The following RABGAP1L variants were observed in gnomAD, a reference collection of about 807,000 sequenced individuals.
RABGAP1L encodes the protein rab GTPase-activating protein 1-like.
RABGAP1L carries 63 observed loss-of-function variants against 137.7 expected under a neutral mutation model. The observed-to-expected ratio is 0.46, with a 90% CI of 0.37 to 0.56. RABGAP1L has a LOEUF of 0.56. RABGAP1L is among the 20% of genes least tolerant of loss of function. RABGAP1L has a pLI of 0.00. For synonymous variants in RABGAP1L, 431 were observed against 433.7 expected, an observed-to-expected ratio of 0.99 and a Z score of 0.08; for missense variants, 1,095 against 1,244.0, an observed-to-expected ratio of 0.88 and a Z score of 1.80.
intron 11 of RABGAP1L, among the ~76,000 whole-genome samples, chr1:174,339,851 C>T (rs918409038): frequency 6.6e-6 from 1 of 152,088 alleles, no homozygotes; most frequent in African/African-American, 2.4e-5. Context: ...AAGTGATCCA[C>T]CCACCTCAGC....
intron 13 of RABGAP1L, chr1:174,544,845 T>G (rs1665857473): frequency 5.5e-6 from 1 of 182,572 alleles, no homozygotes; most frequent in African/African-American, 2.4e-5. Flanking sequence ...CTGTTGCAGG[T>G]CTGTTGGAGT....
At chr1:174,844,546 G>A (rs1336912479) in intron 19 of RABGAP1L, among the ~76,000 whole-genome samples, 4 of 80,706 alleles carry the variant, frequency 5.0e-5, no homozygotes, top group African/African-American at 1.0e-4. Flanking sequence ...GGTATGCGGC[G>A]TTATTTCTGA....
chr1:174,356,215 G>GT (rs772563581), intron 11 of RABGAP1L, among the ~76,000 whole-genome samples: 233 of 151,942 alleles, frequency 1.5e-3, no homozygotes, highest in Non-Finnish European at 2.5e-3. Context: ...AAGGTTTTGG[G>GT]TTTTTTTCCC....
At chr1:174,320,452 A>G (rs552537998) in intron 11 of RABGAP1L, among the ~76,000 whole-genome samples, 2 of 152,248 alleles carry the variant, frequency 1.3e-5, no homozygotes, top group East Asian at 1.9e-4. Context: ...TCTGTTGTAT[A>G]GATATGCTGC....
intron 13 of RABGAP1L, among the ~76,000 whole-genome samples, chr1:174,422,394 G>A (rs766222191): frequency 4.6e-5 from 7 of 151,394 alleles, no homozygotes; most frequent in Admixed American, 3.3e-4. Flanking sequence ...TTAAACATTC[G>A]ACCAACTTCC....
chr1:174,834,690 G>C (rs1692551038), intron 19 of RABGAP1L, among the ~76,000 whole-genome samples: 1 of 151,282 alleles, frequency 6.6e-6, no homozygotes, highest in South Asian at 2.1e-4. Context: ...GCTTGAATGG[G>C]TGGGAGTCAT....
chr1:174,894,741 GTTTGT>G (rs145077094), intron 19 of RABGAP1L, among the ~76,000 whole-genome samples: 54,331 of 151,008 alleles, frequency 0.36, 12,632 homozygotes, highest in African/African-American at 0.67. Flanking sequence ...GTTTTTGTTT[GTTTGT>G]TTTGTTTTGT....
In RABGAP1L at chr1:174,448,564, A is replaced by G; in HGVS notation, c.1710+54419A>G. ...TAACCAAGCCTCTTTCCTACAATCA[A>G]CTGGTCACCCCTTGTCGCTTGAGAA... On this transcript the variant is annotated intron_variant, in intron 13 of 25. Coordinates refer to ENST00000681986, the MANE Select transcript of RABGAP1L (RefSeq NM_001366446.1). The surrounding 1 kb of genome is among the most constrained non-coding windows in gnomAD (Gnocchi z 4.2). The G allele has an allele frequency of 4.3e-6, 7 of 1,613,610 alleles. No individual in the cohort carries two copies. The highest frequency in any genetic ancestry group is 5.9e-6 in the Non-Finnish European group (7 of 1,179,630).
intron 18 of RABGAP1L, among the ~76,000 whole-genome samples, chr1:174,772,205 CAA>C (rs888333693): frequency 3.2e-4 from 47 of 148,370 alleles, no homozygotes; most frequent in Non-Finnish European, 1.5e-4. Flanking sequence ...CAAAAAAAAA[CAA>C]AAAACAAAAC....
chr1:174,899,332 A>G (rs1657756628), intron 19 of RABGAP1L, among the ~76,000 whole-genome samples: 2 of 152,204 alleles, frequency 1.3e-5, no homozygotes, highest in African/African-American at 4.8e-5. Context: ...AGACGTTAGG[A>G]ACTAAATTAT....
chr1:174,497,640 T>C (rs1389315950), intron 13 of RABGAP1L, among the ~76,000 whole-genome samples: 1 of 152,144 alleles, frequency 6.6e-6, no homozygotes, highest in Admixed American at 6.6e-5. Flanking sequence ...CCTGTTCTTA[T>C]GCTCCTCTTT....
At chr1:174,688,215 A>G (rs533910153) in intron 15 of RABGAP1L, among the ~76,000 whole-genome samples, 1 of 152,204 alleles carries the variant, frequency 6.6e-6, no homozygotes, top group Non-Finnish European at 1.5e-5. Context: ...ACCTGATTAT[A>G]TTTCACTTAC....
At chr1:174,786,224 T>C (rs536642638) in intron 18 of RABGAP1L, among the ~76,000 whole-genome samples, 9 of 152,336 alleles carry the variant, frequency 5.9e-5, no homozygotes, top group Admixed American at 2.6e-4. Context: ...AATAAACTTG[T>C]CAATCAGATA....
At chr1:174,418,303 G>T (rs1355520019) in intron 13 of RABGAP1L, among the ~76,000 whole-genome samples, 1 of 152,170 alleles carries the variant, frequency 6.6e-6, no homozygotes, top group Non-Finnish European at 1.5e-5. Context: ...TATTTCCACA[G>T]ATATTGTTTA....
chr1:174,239,332 C>G (rs1671578997), intron 4 of RABGAP1L, among the ~76,000 whole-genome samples: 1 of 152,192 alleles, frequency 6.6e-6, no homozygotes, highest in African/African-American at 2.4e-5. Flanking sequence ...CCACTTTCCT[C>G]TCCCTTTCTC....
At chr1:174,645,131 A>C (rs1674856943) in intron 14 of RABGAP1L, among the ~76,000 whole-genome samples, 1 of 152,144 alleles carries the variant, frequency 6.6e-6, no homozygotes, top group African/African-American at 2.4e-5. Context: ...CACTGTAGTA[A>C]CCATTTTACT....
chr1:174,852,299 T>C (rs1025521722), intron 19 of RABGAP1L, among the ~76,000 whole-genome samples: 4 of 152,150 alleles, frequency 2.6e-5, no homozygotes. Context: ...ACAACAGAAA[T>C]GCTGCAAGTC....
chr1:174,924,129 C>G (rs932551247), intron 19 of RABGAP1L, among the ~76,000 whole-genome samples: 2 of 152,056 alleles, frequency 1.3e-5, no homozygotes, highest in Non-Finnish European at 2.9e-5. Context: ...TGGCTCACAC[C>G]TGTAATCCCA....
At chr1:174,352,192 C>A (rs936240975) in intron 11 of RABGAP1L, among the ~76,000 whole-genome samples, 1 of 152,152 alleles carries the variant, frequency 6.6e-6, no homozygotes, top group African/African-American at 2.4e-5. Flanking sequence ...AGGATAATTA[C>A]TCTTAAATTT....
Sources: allele counts gnomAD v4.1 joint callset (sites outside exome capture counted in the v4.1 genomes callset), GRCh38; gene constraint gnomAD v4.1.1; non-coding constraint Gnocchi (gnomAD v3.1); transcripts MANE v1.5; gene names NCBI Gene and HGNC (gene_info 2026-07-23, HGNC 2026-07-21).